Variants in ZPBP observed in about 807,000 individuals in gnomAD.
ZPBP encodes zona pellucida-binding protein 1.
A neutral mutation model predicts 44.8 loss-of-function variants in ZPBP; 26 were observed. The ratio of observed to expected loss-of-function variants is 0.58; its 90% CI spans 0.43 to 0.81. The LOEUF is 0.81. ZPBP is among the 30% of genes least tolerant of loss of function. The pLI is 0.00. For synonymous variants in ZPBP, 174 were observed against 153.2 expected, an observed-to-expected ratio of 1.14 and a Z score of -1.00; for missense variants, 409 against 434.0, an observed-to-expected ratio of 0.94 and a Z score of 0.51.
intron 1 of ZPBP, among the ~76,000 whole-genome samples, chr7:49,929,971 A>T (rs1267605166): frequency 6.6e-6 from 1 of 152,246 alleles, no homozygotes; most frequent in African/African-American, 2.4e-5. Context: ...ATCAGAATTT[A>T]AAAATGAAGG....
At position 49,983,471 on chromosome 7, in the gene ZPBP, C is replaced by A; in HGVS notation, c.832G>T (p.Gly278Cys). The part of the protein sequence containing the change: ...RFFNQQVEIL[G>C]RRAEQLPQIY... ...TGAGGTAATTGTTCTGCACGTCTGC[C>A]AAGAATTTCTACTTGTTGATTAAAA... The change falls in exon 7 of 8, where the codon GGC (glycine) becomes TGC (cysteine). Residue 278 changes from glycine (G) to cysteine (C), a missense_variant. Physicochemically the swap from Gly to Cys is radical, Grantham distance 159. Coordinates refer to ENST00000046087, the MANE Select transcript of ZPBP (RefSeq NM_007009.3). 6.2e-7 allele frequency: 1 copy of A among 1,610,064 alleles called. No individual in the cohort carries two copies. Among genetic ancestry groups the A allele is most frequent in the Non-Finnish European group, 8.5e-7 (1 of 1,177,700 alleles).
intron 5 of ZPBP, among the ~76,000 whole-genome samples, chr7:50,020,288 A>G (rs1799026549): frequency 6.6e-6 from 1 of 152,092 alleles, no homozygotes; most frequent in Non-Finnish European, 1.5e-5. Context: ...GTTTAAGGCA[A>G]TTTTTAACAT....
At chr7:49,914,240 T>A (rs1793605252) in intron 1 of ZPBP, 2 of 152,228 alleles carry the variant, frequency 1.3e-5, no homozygotes, top group South Asian at 4.1e-4. Flanking sequence ...CAGCTCAAAG[T>A]CTTCCTGTTT....
chr7:49,962,446 T>C (rs1795897011), intron 7 of ZPBP, among the ~76,000 whole-genome samples: 1 of 151,740 alleles, frequency 6.6e-6, no homozygotes. Context: ...TCAACCTGAT[T>C]TACGATTAAA....
intron 2 of ZPBP, among the ~76,000 whole-genome samples, chr7:49,868,318 C>A (rs1272248008): frequency 6.6e-6 from 1 of 152,158 alleles, no homozygotes; most frequent in Non-Finnish European, 1.5e-5. Flanking sequence ...TTTTAAACCT[C>A]TTTAGCCAAG....
chr7:50,093,121 C>G lies in ZPBP; in HGVS notation c.74G>C (p.Arg25Pro), dbSNP rs61696422. The G allele has an allele frequency of 1.4e-3, 2,210 of 1,580,458 alleles. 43 individuals carry two copies. The East Asian group carries it at 0.047, about 34-fold the overall frequency. Reference protein sequence around the residue: ...RTRAAGSLLSRAAILLFISAF... With the variant: ...RTRAAGSLLSPAAILLFISAF... ...GGAGATAAAGAGGAGGATGGCGGCC[C>G]GAGAGAGCAGGGAGCCGGCGGCCCG... Residue 25 changes from arginine (R) to proline (P), a missense_variant, in exon 1 of 8, where the codon CGG (arginine) becomes CCG (proline). Arg to Pro is a moderately radical substitution (Grantham distance 103). Coordinates refer to ENST00000046087, the MANE Select transcript of ZPBP (RefSeq NM_007009.3).
intron 6 of ZPBP, among the ~76,000 whole-genome samples, chr7:49,994,545 G>A (rs1431498589): frequency 6.6e-6 from 1 of 152,206 alleles, no homozygotes; most frequent in East Asian, 1.9e-4. Context: ...CCCAGTTCAT[G>A]ATGGGTAGCT....
rs900706309 is a variant in ZPBP, at chr7:50,093,169, G to T, written c.26C>A (p.Ala9Glu). MEAFALGP[A>E]RRGRRRTRAA... is the part of the protein sequence containing the mutation. The stretch of plus-strand genomic sequence containing the variant: ...CCGGGTCCGCCGCCTGCCCCGCCGC[G>T]CTGGGCCAAGGGCGAAGGCCTCCAT... The change falls in exon 1 of 8, where the codon GCG (alanine) becomes GAG (glutamate). Residue 9 changes from alanine (A) to glutamate (E), a missense_variant. Ala to Glu is a moderately radical substitution (Grantham distance 107). Transcript: ENST00000046087. 6.5e-7 allele frequency: 1 copy of T among 1,538,652 alleles called. No homozygotes were observed. The highest frequency in any genetic ancestry group is 1.4e-5 in the African/African-American group (1 of 71,618).
At chr7:49,904,928 G>A (rs1793005263) in intron 1 of ZPBP, among the ~76,000 whole-genome samples, 1 of 151,866 alleles carries the variant, frequency 6.6e-6, no homozygotes, top group Non-Finnish European at 1.5e-5. Flanking sequence ...TAGAGATGGG[G>A]TTTCACCATC....
intron 6 of ZPBP, among the ~76,000 whole-genome samples, chr7:50,012,074 A>C (rs1798612366): frequency 6.6e-6 from 1 of 151,914 alleles, no homozygotes; most frequent in African/African-American, 2.4e-5. Context: ...AAAAAAACTG[A>C]AAATGAGAGA....
intron 3 of ZPBP, among the ~76,000 whole-genome samples, chr7:50,063,043 T>C (rs1464733116): frequency 6.6e-6 from 1 of 152,194 alleles, no homozygotes. Flanking sequence ...AAGACAGTTA[T>C]TCAATTAATT....
intron 5 of ZPBP, among the ~76,000 whole-genome samples, chr7:50,021,780 G>A (rs997917620): frequency 2.6e-5 from 4 of 152,102 alleles, no homozygotes; most frequent in Non-Finnish European, 5.9e-5. Flanking sequence ...CTGGGTGGTG[G>A]TGTGCCCAAA....
intron 1 of ZPBP, among the ~76,000 whole-genome samples, chr7:49,923,167 G>A (rs1435002870): frequency 6.6e-6 from 1 of 152,102 alleles, no homozygotes. Context: ...GGATAGGATG[G>A]AACAGAAAAA....
intron 6 of ZPBP, among the ~76,000 whole-genome samples, chr7:50,014,756 C>T (rs1179894399): frequency 1.3e-5 from 2 of 152,044 alleles, no homozygotes; most frequent in Non-Finnish European, 2.9e-5. Context: ...TGAGCCACCA[C>T]TCCCAGCCTA....
intron 3 of ZPBP, among the ~76,000 whole-genome samples, chr7:50,066,310 G>A (rs1342346956): frequency 6.7e-6 from 1 of 149,590 alleles, no homozygotes; most frequent in Non-Finnish European, 1.5e-5. Context: ...AGAATTTATA[G>A]GTTAAGAGCT....
At position 49,904,736 on chromosome 7, in the gene ZPBP, AT is replaced by A. The variant is rs5884134; in HGVS notation, n.412-3522del. Among the ~76,000 whole-genome samples the A allele has an allele frequency of 9.5e-3, 1,317 of 138,954 alleles. 13 individuals are homozygous for A. Among genetic ancestry groups the A allele is most frequent in the African/African-American group, 0.024 (902 of 37,480 alleles). 91.2% of individuals were successfully genotyped at this position (138,954 alleles called of 152,430 possible). A position where few individuals can be genotyped will look rare whatever the true frequency, so the allele number is the denominator to read the frequency against. ...AAAAATAGCAACATAGCATATATTAATTTTTTTTTTTTTTTTTGAGATGGAG... is the reference window on the plus strand; with the variant it reads ...AAAAATAGCAACATAGCATATATTAATTTTTTTTTTTTTTTTGAGATGGAG... On this transcript the variant is annotated intron_variant and non_coding_transcript_variant, in intron 1 of 2. Coordinates refer to the ZPBP transcript ENST00000465922.
chr7:50,087,027 C>A (rs1319678800), intron 2 of ZPBP, among the ~76,000 whole-genome samples: 1 of 151,928 alleles, frequency 6.6e-6, no homozygotes, highest in Non-Finnish European at 1.5e-5. Flanking sequence ...TCTGAATAGG[C>A]CTTAAATGAG....
chr7:49,982,161 T>C (rs796525285), intron 7 of ZPBP, among the ~76,000 whole-genome samples: 1 of 26,002 alleles, frequency 3.8e-5, no homozygotes, highest in Non-Finnish European at 6.6e-5. Context: ...TAATATATAA[T>C]ATATATTATA....
At chr7:49,976,443 G>C (rs986627643) in intron 7 of ZPBP, among the ~76,000 whole-genome samples, 31 of 152,138 alleles carry the variant, frequency 2.0e-4, no homozygotes, top group Middle Eastern at 3.4e-3. Context: ...GTTGACAACT[G>C]TTTGATTTCA....
Sources: gnomAD v4.1 joint callset for allele counts (sites outside exome capture counted in the v4.1 genomes callset) on GRCh38, gnomAD v4.1.1 for gene constraint, MANE v1.5 for transcripts, NCBI Gene and HGNC (gene_info 2026-07-23, HGNC 2026-07-21) for gene names.